The following MUTYH variants were observed in gnomAD, a reference collection of about 807,000 sequenced individuals.
MUTYH encodes adenine DNA glycosylase.
In MUTYH, 64 loss-of-function variants were observed where a neutral mutation model predicts 72.9. That is an observed-to-expected ratio of 0.88 (90% confidence interval 0.72 to 1.08). MUTYH has a LOEUF of 1.08. MUTYH is among the 50% of genes least tolerant of loss of function. MUTYH has a pLI of 0.00. For missense variants in MUTYH, 633 were observed against 671.0 expected, an observed-to-expected ratio of 0.94 and a Z score of 0.63; for synonymous variants, 234 against 263.1, an observed-to-expected ratio of 0.89 and a Z score of 1.07.
At chr1:45,335,133 C>T (rs568091480) in intron 1 of MUTYH, among the ~76,000 whole-genome samples, 1 of 152,240 alleles carries the variant, frequency 6.6e-6, no homozygotes, top group South Asian at 2.1e-4. Flanking sequence ...TGCTCCCTAA[C>T]TGTTATAATG....
At chr1:45,330,458 A>G (rs1644601825) in intron 15 of MUTYH, 58 bp downstream of exon 15, 2 of 1,547,336 alleles carry the variant, frequency 1.3e-6, no homozygotes, top group Admixed American at 3.6e-5. Context: ...TTAACTGACT[A>G]AAAACCTATG....
At position 45,338,744 on chromosome 1, in the gene MUTYH, G is replaced by GT. The variant is rs11403361; in HGVS notation, c.-7+1154dup. On this transcript the variant is annotated intron_variant, in intron 1 of 15. Coordinates refer to ENST00000456914, the MANE Select transcript of MUTYH (RefSeq NM_001048174.2). ...AAATCCAAAGAGTTTTTTTATTTTT[G>GT]TTTTTTTTTTGTTTGTTTGTTTTGT... The GT allele has an allele frequency of 0.33, 31,977 of 95,964 alleles. 3,630 individuals are homozygous for GT. Among genetic ancestry groups the GT allele is most frequent in the Admixed American group, 0.47 (4,884 of 10,366 alleles). The allele number at this position is 95,964 out of a possible 1,614,324, so 5.9% of individuals were successfully genotyped here. A position where few individuals can be genotyped will look rare whatever the true frequency, so the allele number is the denominator to read the frequency against.
rs587778541 is a variant in MUTYH, at chr1:45,331,218, TTCC to T, written c.1353_1355del (p.Glu452del). ...CGGTGGAAACAGCTGCGGTGTGAAATTCCTCCTGCGTCAGCCAGCGAGCACCTG... is the reference window on the plus strand; with the variant it reads ...CGGTGGAAACAGCTGCGGTGTGAAATTCCTGCGTCAGCCAGCGAGCACCTG... On this transcript the variant is annotated inframe_deletion, in exon 14 of 16. Coordinates refer to ENST00000456914, the MANE Select transcript of MUTYH (RefSeq NM_001048174.2). 4.6e-5 allele frequency: 75 copies of T among 1,614,004 alleles called. 1 individual carries two copies. The Middle Eastern group carries it at 9.9e-4, about 21-fold the overall frequency.
chr1:45,336,286 T>C (rs1645872714), intron 1 of MUTYH, among the ~76,000 whole-genome samples: 1 of 152,228 alleles, frequency 6.6e-6, no homozygotes. Context: ...GAGTTCGAGA[T>C]TAGGCTTGCA....
chr1:45,340,281 T>G, upstream of MUTYH: 1 of 1,613,664 alleles, frequency 6.2e-7, no homozygotes, highest in Non-Finnish European at 8.5e-7. Context: ...GATGGCGCAG[T>G]TTCAGCTCCC....
intron 1 of MUTYH, among the ~76,000 whole-genome samples, chr1:45,336,735 C>T (rs1228093097): frequency 6.6e-6 from 1 of 152,146 alleles, no homozygotes; most frequent in Admixed American, 6.5e-5. Flanking sequence ...AATAAACAGC[C>T]TTGTTGCTCA....
intron 14 of MUTYH, 119 bp from the exon 15 acceptor site, chr1:45,330,676 A>G: frequency 8.1e-7 from 1 of 1,235,100 alleles, no homozygotes; most frequent in Non-Finnish European, 1.2e-6. Context: ...TTGGCCAGGC[A>G]TGGTGGCTCA....
intron 9 of MUTYH, 22 bp downstream of exon 9, chr1:45,332,369 C>T: frequency 6.2e-7 from 1 of 1,614,126 alleles, no homozygotes; most frequent in Non-Finnish European, 8.5e-7. Context: ...CCTGAAGCAC[C>T]CTTGTTACCC....
chr1:45,339,954 G>A lies in MUTYH; in HGVS notation c.-62C>T, dbSNP rs1272117637. The A allele has an allele frequency of 2.7e-6, 4 of 1,498,768 alleles. No individual in the cohort carries two copies. Among genetic ancestry groups the A allele is most frequent in the East Asian group, 2.7e-5 (1 of 36,486 alleles). The allele number at this position is 1,498,768 out of a possible 1,614,324, so 92.8% of individuals were successfully genotyped here. On this transcript the variant is annotated 5_prime_UTR_variant, in exon 1 of 16. Coordinates refer to ENST00000456914, the MANE Select transcript of MUTYH (RefSeq NM_001048174.2). ...CACGGAGGCCCCGCGTTCCCGCCGC[G>A]AGAGCAGGAGAGAAAGATTACCTCC...
intron 4 of MUTYH, 56 bp downstream of exon 4, chr1:45,333,229 C>A: frequency 6.2e-7 from 1 of 1,614,106 alleles, no homozygotes; most frequent in Non-Finnish European, 8.5e-7. Context: ...GGCCCACAGC[C>A]CCCAGACCCA....
chr1:45,339,870 C>G, intron 1 of MUTYH, 29 bp downstream of exon 1: 1 of 1,370,342 alleles, frequency 7.3e-7, no homozygotes, highest in African/African-American at 1.5e-5. Context: ...TCTGGAAAGC[C>G]CAAACCCAGC....
chr1:45,339,337 C>A (rs966372127), intron 1 of MUTYH, among the ~76,000 whole-genome samples: 1 of 151,780 alleles, frequency 6.6e-6, no homozygotes, highest in African/African-American at 2.4e-5. Flanking sequence ...CTCAGCCTCC[C>A]AAGTAGTGGG....
rs758262369 is a variant in MUTYH at position 45,331,244 on chromosome 1, C to T, written c.1330G>A (p.Gly444Ser). Reference protein sequence around the residue: ...GQTPVTTVPPGARWLTQEEFH... With the variant: ...GQTPVTTVPPSARWLTQEEFH... ...TCCTCCTGCGTCAGCCAGCGAGCAC[C>T]TGGTGGTACGGTGGTCACTGGGGTC... is the stretch of plus-strand genomic sequence containing the variant. The change falls in exon 14 of 16, where the codon GGT (glycine) becomes AGT (serine). Residue 444 changes from glycine (G) to serine (S), a missense_variant. Transcript: ENST00000456914. 2 of 1,614,228 alleles carry T rather than the reference C, an allele frequency of 1.2e-6. No individual in the cohort carries two copies. The highest frequency in any genetic ancestry group is 1.7e-6 in the Non-Finnish European group (2 of 1,180,050).
intron 1 of MUTYH, chr1:45,338,669 T>C (rs1646338871): frequency 5.4e-6 from 1 of 185,036 alleles, no homozygotes; most frequent in African/African-American, 2.3e-5. Context: ...GTTAAATGAA[T>C]TAATGGGATG....
intron 15 of MUTYH, 44 bp from the exon 16 acceptor site, chr1:45,329,481 G>T: frequency 6.2e-7 from 1 of 1,611,158 alleles, no homozygotes; most frequent in Non-Finnish European, 8.5e-7. Context: ...TTGGGGGAGG[G>T]GGAGCAGAGA....
upstream of MUTYH, chr1:45,340,204 G>T: frequency 6.2e-7 from 1 of 1,613,586 alleles, no homozygotes; most frequent in Non-Finnish European, 8.5e-7. Flanking sequence ...GAGACGGACC[G>T]CAAGTCCAGC....
At position 45,331,728 on chromosome 1, in the gene MUTYH, G is replaced by A. The variant is rs775341986; in HGVS notation, c.1035C>T (p.Ala345=). The A allele has an allele frequency of 1.9e-6, 3 of 1,614,192 alleles. No homozygotes were observed. Among genetic ancestry groups the A allele is most frequent in the South Asian group, 2.2e-5 (2 of 91,090 alleles). Residue 345 remains alanine (A), a synonymous_variant, in exon 12 of 16, where the codon GCC becomes GCT. Coordinates refer to ENST00000456914, the MANE Select transcript of MUTYH (RefSeq NM_001048174.2). ...CCCCAGGCTGTTCCAGAACACAGGT[G>A]GCAGAGCTCTCCTCCCTGGGGGGCT... ...SRKPPREESS[A]TCVLEQPGAL... is the part of the protein sequence containing the mutation.
At chr1:45,337,473 TTTTA>T (rs1406098541) in intron 1 of MUTYH, among the ~76,000 whole-genome samples, 1 of 152,128 alleles carries the variant, frequency 6.6e-6, no homozygotes, top group Non-Finnish European at 1.5e-5. Flanking sequence ...CATTATATTC[TTTTA>T]TTTTCTTTCT....
upstream of MUTYH, chr1:45,340,162 C>T: frequency 6.2e-7 from 1 of 1,603,550 alleles, no homozygotes; most frequent in Non-Finnish European, 8.5e-7. Flanking sequence ...GGCGAGACCC[C>T]GCCCCATCCC....
Sources: gnomAD v4.1 joint callset for allele counts (sites outside exome capture counted in the v4.1 genomes callset) on GRCh38, gnomAD v4.1.1 for gene constraint, MANE v1.5 for transcripts, NCBI Gene and HGNC (gene_info 2026-07-23, HGNC 2026-07-21) for gene names.